Variants in TRPM3 observed in about 807,000 individuals in gnomAD.
TRPM3 encodes the protein transient receptor potential cation channel subfamily M member 3, also known as long transient receptor potential channel 3.
Under a neutral mutation model 181.2 loss-of-function variants are expected in TRPM3, and 77 were observed. The ratio of observed to expected loss-of-function variants is 0.42; its 90% CI spans 0.35 to 0.51. TRPM3 has a LOEUF of 0.51. Ranked by LOEUF, TRPM3 falls within the 20% of genes least tolerant of loss-of-function variation. TRPM3 has a pLI of 0.01. For missense variants in TRPM3, 1,759 were observed against 2,196.7 expected, an observed-to-expected ratio of 0.80 and a Z score of 3.98; for synonymous variants, 745 against 796.4, an observed-to-expected ratio of 0.94 and a Z score of 1.09.
chr9:71,179,644 T>A (rs1171333679), intron 1 of TRPM3, among the ~76,000 whole-genome samples: 3 of 152,252 alleles, frequency 2.0e-5, no homozygotes, highest in South Asian at 4.1e-4. Context: ...ACAGACTCCA[T>A]GTTTTTTCTG....
At chr9:70,963,573 C>T (rs965523391) in intron 1 of TRPM3, among the ~76,000 whole-genome samples, 15 of 152,164 alleles carry the variant, frequency 9.9e-5, no homozygotes, top group East Asian at 7.7e-4. Context: ...TTGGTGATAA[C>T]ACTTCGAGGT....
chr9:70,804,365 T>G lies in TRPM3; in HGVS notation c.974-20086A>C, dbSNP rs531670609. Among the ~76,000 whole-genome samples the G allele has an allele frequency of 1.1e-4, 17 of 152,110 alleles. No homozygotes were observed. The South Asian group carries it at 3.5e-3, about 32-fold the overall frequency. The stretch of plus-strand genomic sequence containing the variant: ...CAAAACAAAACAAAACCCAAAAAAC[T>G]ACTGTTCTTTATTGGATATACTATG... On this transcript the variant is annotated intron_variant, in intron 6 of 25. Coordinates refer to ENST00000677713, the MANE Select transcript of TRPM3 (RefSeq NM_001366145.2).
intron 1 of TRPM3, among the ~76,000 whole-genome samples, chr9:71,064,182 G>A (rs1446564885): frequency 6.6e-6 from 1 of 151,912 alleles, no homozygotes; most frequent in Non-Finnish European, 1.5e-5. Flanking sequence ...CTTTTACCTG[G>A]GAATTTATTC....
At chr9:70,627,811 C>A (rs1005007092) in intron 12 of TRPM3, among the ~76,000 whole-genome samples, 3 of 152,122 alleles carry the variant, frequency 2.0e-5, no homozygotes, top group African/African-American at 7.2e-5. Flanking sequence ...ATTTGATGAG[C>A]TGAATAGTCC....
intron 8 of TRPM3, among the ~76,000 whole-genome samples, chr9:70,685,621 G>C (rs369375105): frequency 6.6e-6 from 1 of 152,060 alleles, no homozygotes; most frequent in African/African-American, 2.4e-5. Context: ...TGCCCAGAGC[G>C]ATCTCAAACT....
At chr9:70,886,743 C>A (rs554967637) in intron 1 of TRPM3, among the ~76,000 whole-genome samples, 2 of 152,146 alleles carry the variant, frequency 1.3e-5, no homozygotes, top group East Asian at 3.9e-4. Context: ...CAGCTCACTG[C>A]AACCTCCACC....
chr9:70,879,412 A>T (rs11142634), intron 1 of TRPM3, among the ~76,000 whole-genome samples: 51,914 of 151,850 alleles, frequency 0.34, 8,969 homozygotes, highest in African/African-American at 0.39. Flanking sequence ...TACTTTCTAC[A>T]TTTTAAGATT....
chr9:71,275,489 C>T (rs1454506732), intron 1 of TRPM3, among the ~76,000 whole-genome samples: 2 of 151,636 alleles, frequency 1.3e-5, no homozygotes, highest in East Asian at 1.9e-4. Context: ...ATTCCAACCC[C>T]GTGTGTGTGT....
At chr9:70,784,006 T>C in intron 7 of TRPM3, 99 bp downstream of exon 7, 1 of 1,499,054 alleles carries the variant, frequency 6.7e-7, no homozygotes, top group South Asian at 1.4e-5. Context: ...CTTGTTTTGA[T>C]TTGAGGTCTT....
At chr9:71,105,385 G>T (rs548682975) in intron 1 of TRPM3, among the ~76,000 whole-genome samples, 1 of 152,342 alleles carries the variant, frequency 6.6e-6, no homozygotes, top group South Asian at 2.1e-4. Flanking sequence ...TGTATGCCAT[G>T]CAGGGTCACA....
chr9:70,919,218 G>A (rs2096630948), intron 1 of TRPM3, among the ~76,000 whole-genome samples: 1 of 152,258 alleles, frequency 6.6e-6, no homozygotes, highest in East Asian at 1.9e-4. Context: ...TGCCTAGCAT[G>A]GAAATCAAGG....
At chr9:70,801,816 A>G (rs1025238364) in intron 6 of TRPM3, among the ~76,000 whole-genome samples, 4 of 152,148 alleles carry the variant, frequency 2.6e-5, no homozygotes, top group Non-Finnish European at 5.9e-5. Flanking sequence ...TTAATGTTAT[A>G]AATAAGAAAG....
intron 1 of TRPM3, among the ~76,000 whole-genome samples, chr9:71,393,397 G>C (rs1440182259): frequency 6.6e-6 from 1 of 152,082 alleles, no homozygotes; most frequent in Non-Finnish European, 1.5e-5. Context: ...GAATAAAATA[G>C]ACAAGACAGT....
At chr9:71,007,513 T>A (rs1017794726) in intron 1 of TRPM3, among the ~76,000 whole-genome samples, 14 of 152,064 alleles carry the variant, frequency 9.2e-5, no homozygotes, top group Non-Finnish European at 1.6e-4. Context: ...CAAACTCATA[T>A]CAAGAATCTT....
intron 1 of TRPM3, among the ~76,000 whole-genome samples, chr9:71,336,641 C>A (rs2090575369): frequency 1.3e-5 from 2 of 152,134 alleles, no homozygotes; most frequent in Admixed American, 1.3e-4. Context: ...GCCTGCATAA[C>A]CAAGAAAATC....
intron 3 of TRPM3, among the ~76,000 whole-genome samples, chr9:70,850,669 T>A (rs944715920): frequency 6.6e-6 from 1 of 152,204 alleles, no homozygotes; most frequent in Non-Finnish European, 1.5e-5. Context: ...GTAGTGTGGT[T>A]TAGCGACTTG....
At chr9:71,200,741 T>C (rs1230089319) in intron 1 of TRPM3, among the ~76,000 whole-genome samples, 1 of 152,190 alleles carries the variant, frequency 6.6e-6, no homozygotes, top group African/African-American at 2.4e-5. Flanking sequence ...TCTTCCTCCA[T>C]CCTTTTATTT....
At chr9:71,016,505 A>G (rs564853006) in intron 1 of TRPM3, among the ~76,000 whole-genome samples, 16 of 152,288 alleles carry the variant, frequency 1.1e-4, no homozygotes, top group African/African-American at 1.4e-4. Flanking sequence ...AAGTGGAACC[A>G]TATACAATTT....
chr9:71,012,179 G>C (rs1480716340), intron 1 of TRPM3, among the ~76,000 whole-genome samples: 1 of 151,990 alleles, frequency 6.6e-6, no homozygotes, highest in East Asian at 1.9e-4. Flanking sequence ...ATGAGGTATG[G>C]ATTCAACTTC....
Sources: allele counts gnomAD v4.1 joint callset (sites outside exome capture counted in the v4.1 genomes callset), GRCh38; gene constraint gnomAD v4.1.1; transcripts MANE v1.5; gene names NCBI Gene and HGNC (gene_info 2026-07-23, HGNC 2026-07-21).